The following CDC5L variants were observed in gnomAD, a reference collection of about 807,000 sequenced individuals.
CDC5L encodes cell division cycle 5 like.
CDC5L carries 18 observed loss-of-function variants against 104.1 expected under a neutral mutation model. The observed-to-expected ratio is 0.17, with a 90% CI of 0.12 to 0.26. CDC5L has a LOEUF of 0.26. Among genes scored for constraint, CDC5L ranks in the 10% least tolerant of loss-of-function variants. CDC5L has a pLI of 1.00. For missense variants in CDC5L, 673 were observed against 956.9 expected (o/e 0.70, Z 3.91); for synonymous variants, 331 against 322.7 (o/e 1.03, Z -0.28).
In CDC5L at chr6:44,424,162, G is replaced by A. The variant is rs114391813; in HGVS notation, c.1405-257G>A. Among the ~76,000 whole-genome samples, 1,206 of 152,188 alleles carry A rather than the reference G, an allele frequency of 7.9e-3. 20 individuals carry two copies. Among genetic ancestry groups the A allele is most frequent in the African/African-American group, 0.028 (1,152 of 41,506 alleles). Reference sequence around the variant, plus strand: ...ATTTTTGTGGATACATAGTAGGTGTGTATATTTATGGGGTACATGAGATAT... The same window carrying A: ...ATTTTTGTGGATACATAGTAGGTGTATATATTTATGGGGTACATGAGATAT... On this transcript the variant is annotated intron_variant, in intron 10 of 15. Transcript: ENST00000371477.
chr6:44,398,534 G>C (rs1215755618), intron 5 of CDC5L, among the ~76,000 whole-genome samples: 1 of 152,208 alleles, frequency 6.6e-6, no homozygotes, highest in South Asian at 2.1e-4. Context: ...TCTATGCAAA[G>C]TGCAGGGCAG....
intron 12 of CDC5L, 81 bp downstream of exon 12, chr6:44,426,264 T>G (rs965868889): frequency 9.7e-7 from 1 of 1,028,770 alleles, no homozygotes; most frequent in African/African-American, 1.6e-5. Flanking sequence ...TCATAAAGAC[T>G]ATAAAACAAA....
At chr6:44,405,608 A>C (rs1350529943) in intron 6 of CDC5L, among the ~76,000 whole-genome samples, 1 of 152,204 alleles carries the variant, frequency 6.6e-6, no homozygotes, top group African/African-American at 2.4e-5. Flanking sequence ...AAATTTAATT[A>C]TGTTTTAATT....
chr6:44,388,190 CA>C (rs1790437259), intron 1 of CDC5L, among the ~76,000 whole-genome samples: 1 of 132,450 alleles, frequency 7.6e-6, no homozygotes, highest in Non-Finnish European at 1.6e-5. Flanking sequence ...CTCAGAGTTC[CA>C]ACTCAGCCAG....
intron 7 of CDC5L, among the ~76,000 whole-genome samples, chr6:44,407,098 C>G (rs1384246448): frequency 6.6e-6 from 1 of 152,116 alleles, no homozygotes; most frequent in Non-Finnish European, 1.5e-5. Context: ...CTTTAGGCTT[C>G]TTTTTGTAGC....
intron 10 of CDC5L, among the ~76,000 whole-genome samples, chr6:44,424,020 A>AG (rs1370289009): frequency 6.6e-6 from 1 of 152,142 alleles, no homozygotes; most frequent in African/African-American, 2.4e-5. Flanking sequence ...GTTGGGAAGA[A>AG]GGGGGGATAG....
At chr6:44,405,391 A>G (rs921264611) in intron 6 of CDC5L, among the ~76,000 whole-genome samples, 1 of 152,228 alleles carries the variant, frequency 6.6e-6, no homozygotes, top group Non-Finnish European at 1.5e-5. Context: ...CAGGAAAACT[A>G]TTCATTTGGA....
chr6:44,398,903 C>T (rs898203583), intron 5 of CDC5L, among the ~76,000 whole-genome samples: 2 of 152,228 alleles, frequency 1.3e-5, no homozygotes, highest in African/African-American at 4.8e-5. Context: ...GAGAAGTCAG[C>T]TGTAAATCTT....
intron 5 of CDC5L, among the ~76,000 whole-genome samples, chr6:44,401,320 CCGCA>C (rs1791113711): frequency 8.8e-3 from 1 of 114 alleles, no homozygotes. Context: ...GTCCGTCCGC[CCGCA>C]GCGTGGAGCC....
At chr6:44,415,601 GC>G (rs1791873220) in intron 8 of CDC5L, among the ~76,000 whole-genome samples, 2 of 152,030 alleles carry the variant, frequency 1.3e-5, no homozygotes, top group African/African-American at 4.8e-5. Context: ...TCGCTGCAGG[GC>G]CAGCCGTCAT....
At chr6:44,398,037 G>A (rs1239955289) in intron 5 of CDC5L, among the ~76,000 whole-genome samples, 1 of 152,256 alleles carries the variant, frequency 6.6e-6, no homozygotes, top group Non-Finnish European at 1.5e-5. Flanking sequence ...TTGACCTGAT[G>A]ACCAGCATTA....
intron 6 of CDC5L, among the ~76,000 whole-genome samples, chr6:44,404,422 A>G (rs1170474228): frequency 6.6e-6 from 1 of 152,168 alleles, no homozygotes; most frequent in African/African-American, 2.4e-5. Flanking sequence ...GGCATCAGTT[A>G]CTGTGCCTGG....
rs1790678698 is a variant in CDC5L, at chr6:44,392,790, A to G, written c.273A>G (p.Arg91=). The G allele has an allele frequency of 1.9e-6, 3 of 1,614,206 alleles. No homozygotes were observed. In the South Asian group the frequency reaches 3.3e-5, roughly 18 times the overall value. The change falls in exon 3 of 16, where the codon AGA becomes AGG. Residue 91 remains arginine, a synonymous_variant. Transcript: ENST00000371477. ...QWRTIAPIIG[R]TAAQCLEHYE... ...GGACCATTGCTCCAATCATTGGAAGAACAGCGGCCCAGTGCTTAGAACACT... is the reference window on the plus strand; with the variant it reads ...GGACCATTGCTCCAATCATTGGAAGGACAGCGGCCCAGTGCTTAGAACACT...
chr6:44,440,276 CTG>C (rs1207286319), intron 14 of CDC5L, among the ~76,000 whole-genome samples: 1 of 146,140 alleles, frequency 6.8e-6, no homozygotes, highest in Non-Finnish European at 1.5e-5. Context: ...GAATCTTGCT[CTG>C]TTGCTCAGGC....
At chr6:44,435,268 A>AT (rs888558925) in intron 14 of CDC5L, among the ~76,000 whole-genome samples, 6 of 151,842 alleles carry the variant, frequency 4.0e-5, no homozygotes, top group Middle Eastern at 3.4e-3. Context: ...TTTCTGTATA[A>AT]TTTTTTTGAG....
intron 4 of CDC5L, 123 bp from the exon 5 acceptor site, chr6:44,396,218 A>G (rs113178282): frequency 2.6e-5 from 15 of 571,526 alleles, no homozygotes; most frequent in African/African-American, 7.8e-5. Context: ...ATGCTACACC[A>G]TAAAATCAGT....
Position 44,449,354 on chromosome 6 carries a change from A to C in CDC5L, c.*2643A>C, listed in dbSNP as rs1195107680. 1 of 152,188 alleles carries C rather than the reference A, an allele frequency of 6.6e-6. No individual in the cohort carries two copies. The highest frequency in any genetic ancestry group is 2.4e-5 in the African/African-American group (1 of 41,446). The allele number at this position is 152,188 out of a possible 1,614,324, so 9.4% of individuals were successfully genotyped here. ...GCACCATACAGCGATTTTGGTGACT[A>C]TTTTAACATTCACACTGAGGCCAGG... On this transcript the variant is annotated 3_prime_UTR_variant, in exon 16 of 16. Coordinates refer to ENST00000371477, the MANE Select transcript of CDC5L (RefSeq NM_001253.4).
Position 44,403,843 on chromosome 6 carries a change from C to A in CDC5L, c.574C>A (p.Arg192=). 6.2e-7 allele frequency: 1 copy of A among 1,610,832 alleles called. No homozygotes were observed. The highest frequency in any genetic ancestry group is 8.5e-7 in the Non-Finnish European group (1 of 1,179,114). ...TGCCCTCCAAAAAAGAAGAGAACTT[C>A]GAGCAGCTGGCATAGAAATTCAGAA... ...LAALQKRREL[R]AAGIEIQKKR... is the part of the protein sequence containing the mutation. The change falls in exon 6 of 16, where the codon CGA becomes AGA. Residue 192 remains arginine (R), a synonymous_variant. Coordinates refer to ENST00000371477, the MANE Select transcript of CDC5L (RefSeq NM_001253.4).
At chr6:44,400,683 A>G (rs534912094) in intron 5 of CDC5L, among the ~76,000 whole-genome samples, 56 of 152,168 alleles carry the variant, frequency 3.7e-4, no homozygotes, top group Non-Finnish European at 7.5e-4. Flanking sequence ...TGTCTGGCCA[A>G]TTTTAGTCAG....
Sources: gnomAD v4.1 joint callset for allele counts (sites outside exome capture counted in the v4.1 genomes callset) on GRCh38, gnomAD v4.1.1 for gene constraint, MANE v1.5 for transcripts, NCBI Gene and HGNC (gene_info 2026-07-23, HGNC 2026-07-21) for gene names.